The following C19orf44 variants were observed in gnomAD, a reference collection of about 807,000 sequenced individuals.
C19orf44 encodes uncharacterized protein C19orf44.
A neutral mutation model predicts 50.7 loss-of-function variants in C19orf44; 43 were observed. The ratio of observed to expected loss-of-function variants is 0.85; its 90% CI spans 0.66 to 1.09. The LOEUF is 1.09. C19orf44 is among the 50% of genes least tolerant of loss of function. The probability of loss-of-function intolerance (pLI) is 0.00; values close to 1 mark genes in which losing one functional copy is unlikely to be tolerated. For missense variants in C19orf44, 722 were observed against 836.2 expected, an observed-to-expected ratio of 0.86 and a Z score of 1.68; for synonymous variants, 298 against 334.7, an observed-to-expected ratio of 0.89 and a Z score of 1.20.
At chr19:16,515,563 CTT>C (rs1256864563) in intron 7 of C19orf44, among the ~76,000 whole-genome samples, 3 of 151,744 alleles carry the variant, frequency 2.0e-5, no homozygotes, top group Non-Finnish European at 4.4e-5. Context: ...GAGTTTTGCT[CTT>C]GTTGCCCAGG....
chr19:16,515,555 G>C (rs1481140180), intron 7 of C19orf44, among the ~76,000 whole-genome samples: 1 of 151,582 alleles, frequency 6.6e-6, no homozygotes, highest in Admixed American at 6.6e-5. Context: ...TTTTGACGGA[G>C]TTTTGCTCTT....
In C19orf44 at chr19:16,519,818, T is replaced by A; in HGVS notation, c.*41-276T>A. On this transcript the variant is annotated intron_variant, in intron 8 of 8. Coordinates refer to ENST00000221671, the MANE Select transcript of C19orf44 (RefSeq NM_032207.4). This position sits in a 1 kb window ranked among gnomAD's most constrained non-coding sequence, Gnocchi z 6.0. ...CCGCAGCTTGCGTGCATGCTCACTG[T>A]CACCAGGTGACACCGTATGCAGATT... is the stretch of plus-strand genomic sequence containing the variant. The A allele has an allele frequency of 1.0e-6, 1 of 997,810 alleles. No homozygotes were observed. Among genetic ancestry groups the A allele is most frequent in the East Asian group, 2.4e-5 (1 of 41,924 alleles). 61.8% of individuals were successfully genotyped at this position (997,810 alleles called of 1,614,324 possible). A position where few individuals can be genotyped will look rare whatever the true frequency, so the allele number is the denominator to read the frequency against.
chr19:16,506,830 T>C (rs963837417), intron 4 of C19orf44, 56 bp downstream of exon 4: 46 of 1,322,796 alleles, frequency 3.5e-5, no homozygotes, highest in Non-Finnish European at 4.3e-5. Flanking sequence ...CAACATTTTT[T>C]TTTTTAAATT....
At chr19:16,517,384 CAT>C (rs2085548424) in intron 8 of C19orf44, 43 bp downstream of exon 8, 7 of 1,373,576 alleles carry the variant, frequency 5.1e-6, no homozygotes, top group East Asian at 4.8e-5. Flanking sequence ...CGCACACAAA[CAT>C]AGAGCTCATC....
At chr19:16,502,000 C>G (rs1409088118) in intron 2 of C19orf44, among the ~76,000 whole-genome samples, 2 of 151,400 alleles carry the variant, frequency 1.3e-5, no homozygotes, top group Admixed American at 6.6e-5. Context: ...ACCTCCACCT[C>G]CCAGGTTCAA....
chr19:16,505,676 A>T (rs1378569987), intron 3 of C19orf44, among the ~76,000 whole-genome samples: 3 of 151,938 alleles, frequency 2.0e-5, no homozygotes, highest in African/African-American at 7.3e-5. Flanking sequence ...TATTATTATC[A>T]TTATTTGTTA....
chr19:16,501,180 A>G lies in C19orf44; in HGVS notation c.388A>G (p.Arg130Gly). The stretch of plus-strand genomic sequence containing the variant: ...GACCGCCGATGCTGGTCTTCCAAAG[A>G]GAGCTGACAGAATCCTCTCTGGGGG... ...SMTADAGLPK[R>G]ADRILSGGAL... Residue 130 changes from arginine (R) to glycine (G), a missense_variant, in exon 2 of 9, where the codon AGA becomes GGA. Physicochemically the swap from Arg to Gly is moderately radical, Grantham distance 125 (BLOSUM62 -2). Coordinates refer to ENST00000221671, the MANE Select transcript of C19orf44 (RefSeq NM_032207.4). 1.9e-6 allele frequency: 3 copies of G among 1,614,160 alleles called. No homozygotes were observed. Among genetic ancestry groups the G allele is most frequent in the Non-Finnish European group, 1.7e-6 (2 of 1,180,034 alleles).
chr19:16,516,368 T>G, intron 7 of C19orf44, among the ~76,000 whole-genome samples: 1 of 152,058 alleles, frequency 6.6e-6, no homozygotes, highest in East Asian at 1.9e-4. Context: ...TCACTTGAGC[T>G]GGGGAGGTTG....
rs1317488468 is a variant in C19orf44, at chr19:16,509,852, C to T, written c.1503C>T (p.Ser501=). Residue 501 remains serine (S), a synonymous_variant, in exon 5 of 9, where the codon TCC becomes TCT. Coordinates refer to ENST00000221671, the MANE Select transcript of C19orf44 (RefSeq NM_032207.4). The part of the protein sequence containing the change: ...LDRTLDALSE[S]SSSVKTDLPQ... Reference sequence around the variant, plus strand: ...GAACACTGGACGCTTTGTCTGAATCCTCTTCAAGTGTGAAGACAGACCTTC... The same window carrying T: ...GAACACTGGACGCTTTGTCTGAATCTTCTTCAAGTGTGAAGACAGACCTTC... 1.2e-6 allele frequency: 2 copies of T among 1,614,256 alleles called. No homozygotes were observed. Among genetic ancestry groups the T allele is most frequent in the African/African-American group, 1.3e-5 (1 of 75,062 alleles).
In C19orf44 at chr19:16,500,893, T is replaced by C; in HGVS notation, c.101T>C (p.Phe34Ser). 1 of 1,613,790 alleles carries C rather than the reference T, an allele frequency of 6.2e-7. No homozygotes were observed. Among genetic ancestry groups the C allele is most frequent in the Non-Finnish European group, 8.5e-7 (1 of 1,179,944 alleles). The part of the protein sequence containing the change: ...EDSTMEEIRN[F>S]QISRNLTKIA... ...TCAACAATGGAAGAAATCAGAAACT[T>C]CCAGATCAGTAGAAATCTTACCAAA... Residue 34 changes from phenylalanine (F) to serine (S), a missense_variant, in exon 2 of 9, where the codon TTC becomes TCC. By Grantham distance (155) the Phe-to-Ser change is radical. Coordinates refer to ENST00000221671, the MANE Select transcript of C19orf44 (RefSeq NM_032207.4).
chr19:16,515,827 A>G (rs548061080), intron 7 of C19orf44, among the ~76,000 whole-genome samples: 181 of 132,042 alleles, frequency 1.4e-3, no homozygotes, highest in African/African-American at 4.8e-3. Context: ...ACTGAGTTTC[A>G]CTCTTGTTGC....
Position 16,519,899 on chromosome 19 carries a change from G to A in C19orf44, c.*41-195G>A. 1 of 670,916 alleles carries A rather than the reference G, an allele frequency of 1.5e-6. No individual in the cohort carries two copies. The highest frequency in any genetic ancestry group is 1.8e-5 in the South Asian group (1 of 57,128). 41.6% of individuals were successfully genotyped at this position (670,916 alleles called of 1,614,324 possible). ...CTAGATAAGGGGGCTCCAGACGCTGGCCCCCACCCCACGCTCAGCATTGAG... is the reference window on the plus strand; with the variant it reads ...CTAGATAAGGGGGCTCCAGACGCTGACCCCCACCCCACGCTCAGCATTGAG... On this transcript the variant is annotated intron_variant, in intron 8 of 8. Coordinates refer to ENST00000221671, the MANE Select transcript of C19orf44 (RefSeq NM_032207.4). This position sits in a 1 kb window ranked among gnomAD's most constrained non-coding sequence, Gnocchi z 6.0.
rs776334884 is a variant in C19orf44, at chr19:16,503,269, A to G, written c.964A>G (p.Asn322Asp). Residue 322 changes from asparagine to aspartate, a missense_variant, in exon 3 of 9, where the codon AAC (asparagine) becomes GAC (aspartate). Transcript: ENST00000221671. ...PSVSITGAFSNSVSLKMGHVK... is the reference protein window; with the variant it reads ...PSVSITGAFSDSVSLKMGHVK... ...AGTTTCCATCACAGGCGCCTTTTCA[A>G]ACTCAGTGTCTTTAAAGATGGGGCA... 1.7e-5 allele frequency: 27 copies of G among 1,613,944 alleles called. No homozygotes were observed. The South Asian group carries it at 2.6e-4, about 16-fold the overall frequency.
chr19:16,514,720 A>C (rs2093467136), intron 7 of C19orf44, 57 bp downstream of exon 7: 1 of 1,453,396 alleles, frequency 6.9e-7, no homozygotes, highest in African/African-American at 1.4e-5. Context: ...CAGCTCCCAG[A>C]GGCCGGGCCG....
At chr19:16,499,796 T>TC (rs962300716) in intron 1 of C19orf44, among the ~76,000 whole-genome samples, 1 of 151,660 alleles carries the variant, frequency 6.6e-6, no homozygotes, top group Non-Finnish European at 1.5e-5. Context: ...TAGCGGTTCT[T>TC]CTTTTTTTTT....
rs189209910 is a variant in C19orf44, at chr19:16,511,431, G to C, written c.1639+1443G>C. Among the ~76,000 whole-genome samples, 3 of 152,088 alleles carry C rather than the reference G, an allele frequency of 2.0e-5. No homozygotes were observed. In the East Asian group the frequency reaches 5.8e-4, roughly 29 times the overall value. On this transcript the variant is annotated intron_variant, in intron 5 of 8. Coordinates refer to ENST00000221671, the MANE Select transcript of C19orf44 (RefSeq NM_032207.4). ...CTGGGCTCAAGTGATCCTTCCACCT[G>C]CTCATGTTGGCCCCCCAAGGTGCTG...
Position 16,517,294 on chromosome 19 carries a change from A to C in C19orf44, c.1967A>C (p.Glu656Ala). The C allele has an allele frequency of 1.2e-6, 2 of 1,614,088 alleles. No individual in the cohort carries two copies. The highest frequency in any genetic ancestry group is 2.2e-5 in the South Asian group (2 of 91,088). The change falls in exon 8 of 9, where the codon GAG becomes GCG. Residue 656 changes from glutamate (E) to alanine (A), a missense_variant. Transcript: ENST00000221671. The part of the protein sequence containing the change: ...MEDALEEVNK[E>A]L ...GATGCCCTGGAGGAGGTGAACAAGG[A>C]GCTGTGAGCGCCAGCAGGTGGAGCT...
chr19:16,497,468 A>G (rs967701346), intron 1 of C19orf44, among the ~76,000 whole-genome samples: 2 of 147,408 alleles, frequency 1.4e-5, no homozygotes, highest in Admixed American at 1.4e-4. Context: ...CTCCTGTCTC[A>G]GCGTCCTGAG....
At chr19:16,505,976 C>T (rs1188216274) in intron 3 of C19orf44, among the ~76,000 whole-genome samples, 1 of 150,714 alleles carries the variant, frequency 6.6e-6, no homozygotes, top group Admixed American at 6.6e-5. Flanking sequence ...GCCACCATGC[C>T]CGATGATTAT....
Sources: allele counts gnomAD v4.1 joint callset (sites outside exome capture counted in the v4.1 genomes callset), GRCh38; gene constraint gnomAD v4.1.1; non-coding constraint Gnocchi (gnomAD v3.1); transcripts MANE v1.5; gene names NCBI Gene and HGNC (gene_info 2026-07-23, HGNC 2026-07-21).